DOCK1: variants seen among roughly 807,000 people sequenced by gnomAD.
The protein encoded by DOCK1 is dedicator of cytokinesis 1, also known as dedicator of cytokinesis protein 1.
A neutral mutation model predicts 262.7 loss-of-function variants in DOCK1; 138 were observed. The ratio of observed to expected loss-of-function variants is 0.53; its 90% confidence interval spans 0.46 to 0.61. DOCK1 has a LOEUF of 0.61. Ranked by LOEUF, DOCK1 falls within the 20% of genes least tolerant of loss-of-function variation. The pLI, the probability that DOCK1 is intolerant of heterozygous loss-of-function variation, is 0.00. For synonymous variants in DOCK1, 866 were observed against 867.4 expected (o/e 1.00, Z 0.03); for missense variants, 1,908 against 2,370.7 (o/e 0.80, Z 4.05).
intron 36 of DOCK1, 115 bp from the exon 37 acceptor site, chr10:127,381,163 G>A (rs1043136655): frequency 2.1e-5 from 17 of 813,490 alleles, no homozygotes; most frequent in Non-Finnish European, 2.6e-5. Flanking sequence ...TATGAACATT[G>A]TAAAAAGGAA....
chr10:126,951,834 C>A (rs2036276123), intron 1 of DOCK1, among the ~76,000 whole-genome samples: 1 of 147,008 alleles, frequency 6.8e-6, no homozygotes, highest in Admixed American at 7.2e-5. Context: ...GACTATGTAA[C>A]TTTACTTCAG....
intron 29 of DOCK1, among the ~76,000 whole-genome samples, chr10:127,267,421 G>T (rs1188840251): frequency 6.6e-6 from 1 of 152,130 alleles, no homozygotes; most frequent in Admixed American, 6.5e-5. Context: ...CCAATGTATT[G>T]CACATAGCCT....
chr10:127,260,730 CGT>C (rs1355433044), intron 29 of DOCK1, among the ~76,000 whole-genome samples: 28 of 93,502 alleles, frequency 3.0e-4, no homozygotes, highest in African/African-American at 4.8e-4. Flanking sequence ...CATGTGTGTG[CGT>C]GTGGGTGTGC....
intron 16 of DOCK1, among the ~76,000 whole-genome samples, chr10:127,029,909 G>A (rs1244167540): frequency 6.6e-6 from 1 of 152,144 alleles, no homozygotes; most frequent in African/African-American, 2.4e-5. Context: ...AGGAGGAACT[G>A]TTCTGTTCTT....
intron 29 of DOCK1, among the ~76,000 whole-genome samples, chr10:127,281,174 T>C (rs2498952): frequency 1.3e-3 from 193 of 152,326 alleles, no homozygotes; most frequent in African/African-American, 4.4e-3. Context: ...GAAAAGTGGA[T>C]TTGTTTAACA....
At chr10:127,405,605 G>T (rs1590921484) in intron 40 of DOCK1, among the ~76,000 whole-genome samples, 1 of 152,100 alleles carries the variant, frequency 6.6e-6, no homozygotes, top group Non-Finnish European at 1.5e-5. Flanking sequence ...TTCATTTGGG[G>T]TCCTGTGTTT....
At chr10:127,068,248 A>G (rs559387374) in intron 23 of DOCK1, among the ~76,000 whole-genome samples, 15 of 151,832 alleles carry the variant, frequency 9.9e-5, no homozygotes, top group Admixed American at 3.3e-4. Context: ...CTTTTTGTGT[A>G]TTTATTTCCG....
intron 1 of DOCK1, among the ~76,000 whole-genome samples, chr10:126,963,842 C>G (rs1308092099): frequency 1.3e-5 from 2 of 151,982 alleles, no homozygotes; most frequent in Non-Finnish European, 2.9e-5. Flanking sequence ...ACCATTCAGG[C>G]TCATCTCTCT....
At chr10:127,435,503 T>A (rs2069624533) in intron 48 of DOCK1, among the ~76,000 whole-genome samples, 1 of 152,250 alleles carries the variant, frequency 6.6e-6, no homozygotes, top group African/African-American at 2.4e-5. Context: ...ATGGAAATTC[T>A]CAATTTAGAG....
At chr10:127,336,804 G>C (rs56276737) in intron 29 of DOCK1, among the ~76,000 whole-genome samples, 5,397 of 152,266 alleles carry the variant, frequency 0.035, 166 homozygotes, top group Middle Eastern at 0.071. Flanking sequence ...CTCCCAAAGT[G>C]CTGGGATTAC....
intron 22 of DOCK1, among the ~76,000 whole-genome samples, chr10:127,060,854 A>AT (rs1389508111): frequency 6.6e-6 from 1 of 152,226 alleles, no homozygotes; most frequent in East Asian, 1.9e-4. Context: ...TTGTGATATC[A>AT]TTTTAAAGGA....
At chr10:127,330,947 G>A (rs1237466538) in intron 29 of DOCK1, among the ~76,000 whole-genome samples, 2 of 152,170 alleles carry the variant, frequency 1.3e-5, no homozygotes, top group Non-Finnish European at 2.9e-5. Flanking sequence ...CAGAGGCCAC[G>A]AAAACCCTCA....
chr10:127,026,131 G>A, intron 15 of DOCK1: 1 of 503,568 alleles, frequency 2.0e-6, no homozygotes, highest in Non-Finnish European at 3.5e-6. Context: ...AAATTCAGCT[G>A]TGTCACGGAG....
chr10:127,343,689 A>G lies in DOCK1; in HGVS notation c.3167A>G (p.Gln1056Arg). ...YFHLAVAFLT[Q>R]ESLQLENFSS... Reference sequence around the variant, plus strand: ...CACCTGGCTGTTGCTTTCCTTACTCAAGAGTCCCTGCAACTGGAGAATTTT... The same window carrying G: ...CACCTGGCTGTTGCTTTCCTTACTCGAGAGTCCCTGCAACTGGAGAATTTT... Residue 1056 changes from glutamine to arginine, a missense_variant, in exon 31 of 52, where the codon CAA becomes CGA. Physicochemically the swap from Gln to Arg is conservative, Grantham distance 43 (BLOSUM62 1). Coordinates refer to ENST00000623213, the MANE Select transcript of DOCK1 (RefSeq NM_001290223.2). 1 of 1,611,730 alleles carries G rather than the reference A, an allele frequency of 6.2e-7. No individual in the cohort carries two copies. Among genetic ancestry groups the G allele is most frequent in the Non-Finnish European group, 8.5e-7 (1 of 1,179,108 alleles).
chr10:127,434,336 A>T (rs1206462284), intron 48 of DOCK1, among the ~76,000 whole-genome samples: 3 of 152,088 alleles, frequency 2.0e-5, no homozygotes, highest in Non-Finnish European at 2.9e-5. Context: ...TATCCTTTTT[A>T]AAAAATTTTG....
chr10:127,196,662 G>A (rs1165737218), intron 27 of DOCK1, among the ~76,000 whole-genome samples: 1 of 149,736 alleles, frequency 6.7e-6, no homozygotes, highest in African/African-American at 2.4e-5. Flanking sequence ...TGCGTGGGGT[G>A]GGGGATAGGG....
chr10:127,251,903 G>A (rs2059661039), intron 28 of DOCK1, among the ~76,000 whole-genome samples: 1 of 151,486 alleles, frequency 6.6e-6, no homozygotes, highest in Non-Finnish European at 1.5e-5. Context: ...ACCCAGTAAT[G>A]GGATGGCTGG....
intron 38 of DOCK1, among the ~76,000 whole-genome samples, chr10:127,385,110 T>G (rs937007240): frequency 6.6e-6 from 1 of 152,168 alleles, no homozygotes; most frequent in Non-Finnish European, 1.5e-5. Context: ...AGCCCTTTTA[T>G]AGATGCTCTA....
chr10:127,384,831 C>A lies in DOCK1; in HGVS notation c.3849C>A (p.Asp1283Glu). 6.2e-7 allele frequency: 1 copy of A among 1,608,726 alleles called. No individual in the cohort carries two copies. Among genetic ancestry groups the A allele is most frequent in the Non-Finnish European group, 8.5e-7 (1 of 1,178,366 alleles). The change falls in exon 38 of 52, where the codon GAC (aspartate) becomes GAA (glutamate). Residue 1283 changes from aspartate to glutamate, a missense_variant. Physicochemically the swap from Asp to Glu is conservative, Grantham distance 45 (BLOSUM62 2). Around this residue, in one of 9 missense-constraint regions of DOCK1, gnomAD observed 267 missense variants for 366.3 expected, o/e 0.73. Coordinates refer to ENST00000623213, the MANE Select transcript of DOCK1 (RefSeq NM_001290223.2). ...GTGTGGCCCACCTCACCCAGCGGGACGGGTACCAGGCCACCACGCAGGGAC... is the reference window on the plus strand; with the variant it reads ...GTGTGGCCCACCTCACCCAGCGGGAAGGGTACCAGGCCACCACGCAGGGAC... Reference protein sequence around the residue: ...DVCVAHLTQRDGYQATTQGQL... With the variant: ...DVCVAHLTQREGYQATTQGQL...
Sources: allele counts gnomAD v4.1 joint callset (sites outside exome capture counted in the v4.1 genomes callset), GRCh38; gene constraint gnomAD v4.1.1; regional missense constraint gnomAD v4.1.1; transcripts MANE v1.5; gene names NCBI Gene and HGNC (gene_info 2026-07-23, HGNC 2026-07-21).